CACNA2D3: variants seen among roughly 807,000 people sequenced by gnomAD.
CACNA2D3 encodes the protein voltage-dependent calcium channel subunit alpha-2/delta-3.
In CACNA2D3, 60 loss-of-function variants were observed where a neutral mutation model predicts 160.6. That is an observed-to-expected ratio of 0.37 (90% confidence interval 0.30 to 0.46). CACNA2D3 has a LOEUF of 0.46. Among genes scored for constraint, CACNA2D3 ranks in the 20% least tolerant of loss-of-function variants. CACNA2D3 has a pLI of 1.00. For missense variants in CACNA2D3, 1,205 were observed against 1,365.0 expected (o/e 0.88, Z 1.85); for synonymous variants, 558 against 492.9 (o/e 1.13, Z -1.75).
At chr3:54,769,204 C>A (rs931080346) in intron 13 of CACNA2D3, among the ~76,000 whole-genome samples, 1 of 152,132 alleles carries the variant, frequency 6.6e-6, no homozygotes, top group South Asian at 2.1e-4. Context: ...AACTTTGGAA[C>A]CACCCAGAAG....
At chr3:54,739,582 G>T (rs906728830) in intron 11 of CACNA2D3, among the ~76,000 whole-genome samples, 56 of 152,144 alleles carry the variant, frequency 3.7e-4, no homozygotes, top group African/African-American at 1.3e-3. Flanking sequence ...AGTGCACTAT[G>T]CTTAGAAAAG....
At chr3:55,069,146 C>A (rs1439495357) in intron 35 of CACNA2D3, among the ~76,000 whole-genome samples, 1 of 152,292 alleles carries the variant, frequency 6.6e-6, no homozygotes, top group Admixed American at 6.5e-5. Flanking sequence ...TATGAATTGT[C>A]TCACGAGTTT....
intron 2 of CACNA2D3, among the ~76,000 whole-genome samples, chr3:54,137,098 C>T (rs1474957442): frequency 6.6e-6 from 1 of 152,150 alleles, no homozygotes; most frequent in Non-Finnish European, 1.5e-5. Context: ...GCTGTGTTGT[C>T]CTGGGCCAGA....
At chr3:54,832,027 A>ACACACG (rs1703891825) in intron 14 of CACNA2D3, among the ~76,000 whole-genome samples, 5 of 147,836 alleles carry the variant, frequency 3.4e-5, no homozygotes, top group African/African-American at 1.3e-4. Context: ...ACACACACAC[A>ACACACG]CACACACACA....
chr3:54,679,197 G>T (rs2106911270), intron 11 of CACNA2D3, among the ~76,000 whole-genome samples: 1 of 152,266 alleles, frequency 6.6e-6, no homozygotes, highest in South Asian at 2.1e-4. Flanking sequence ...CTCCATACTG[G>T]AAGGGGACGG....
intron 2 of CACNA2D3, among the ~76,000 whole-genome samples, chr3:54,261,227 A>C (rs1419368323): frequency 1.3e-5 from 2 of 152,192 alleles, no homozygotes; most frequent in African/African-American, 4.8e-5. Context: ...TGGAATATTC[A>C]CATGGATGCT....
intron 3 of CACNA2D3, among the ~76,000 whole-genome samples, chr3:54,377,917 A>G (rs1699037504): frequency 6.6e-6 from 1 of 152,214 alleles, no homozygotes; most frequent in Non-Finnish European, 1.5e-5. Context: ...AGACTTCCTT[A>G]CCAGTACCAA....
chr3:54,824,154 T>TA (rs1291452150), intron 14 of CACNA2D3, among the ~76,000 whole-genome samples: 2 of 152,240 alleles, frequency 1.3e-5, no homozygotes, highest in Non-Finnish European at 2.9e-5. Flanking sequence ...TGGGTTGTCT[T>TA]ACGTGGGACA....
At chr3:54,778,764 G>T (rs1702472316) in intron 13 of CACNA2D3, among the ~76,000 whole-genome samples, 1 of 152,178 alleles carries the variant, frequency 6.6e-6, no homozygotes, top group Non-Finnish European at 1.5e-5. Flanking sequence ...TGGAGGGCAT[G>T]TGAAAATATC....
chr3:54,562,941 C>T lies in CACNA2D3; in HGVS notation c.676+10C>T. 6.2e-7 allele frequency: 1 copy of T among 1,611,034 alleles called. No individual in the cohort carries two copies. Among genetic ancestry groups the T allele is most frequent in the Non-Finnish European group, 8.5e-7 (1 of 1,177,780 alleles). On this transcript the variant is annotated intron_variant, in intron 6 of 37. Coordinates refer to ENST00000474759, the MANE Select transcript of CACNA2D3 (RefSeq NM_018398.3). ...TTTAGGCAGTATCCGGGTGAGTATA[C>T]CTGCATTGACAGTTATGACTCAGAT... is the stretch of plus-strand genomic sequence containing the variant.
chr3:54,181,729 A>G (rs983402461), intron 2 of CACNA2D3, among the ~76,000 whole-genome samples: 4 of 152,150 alleles, frequency 2.6e-5, no homozygotes, highest in African/African-American at 9.7e-5. Context: ...AATTCTTGCG[A>G]GCTGGCCAGG....
chr3:54,176,276 A>G (rs1700676378), intron 2 of CACNA2D3, among the ~76,000 whole-genome samples: 1 of 152,182 alleles, frequency 6.6e-6, no homozygotes, highest in African/African-American at 2.4e-5. Context: ...CTGTTTTTCC[A>G]AATGGTTTGC....
chr3:55,035,752 C>T (rs1371351118), intron 35 of CACNA2D3, among the ~76,000 whole-genome samples: 1 of 152,020 alleles, frequency 6.6e-6, no homozygotes, highest in Admixed American at 6.6e-5. Flanking sequence ...TCTTGTTTGC[C>T]GTGTTTGGAA....
intron 2 of CACNA2D3, among the ~76,000 whole-genome samples, chr3:54,318,144 C>A (rs1703909281): frequency 6.8e-6 from 1 of 148,084 alleles, no homozygotes; most frequent in Admixed American, 6.8e-5. Flanking sequence ...TTTGTGTCTG[C>A]TGTGGGCTGT....
intron 3 of CACNA2D3, chr3:54,367,602 A>C (rs572417290): frequency 1.8e-5 from 7 of 382,590 alleles, no homozygotes; most frequent in Middle Eastern, 3.5e-4. Context: ...AGAGAGAAGC[A>C]CAGCCTTACA....
chr3:54,833,601 C>CA (rs908543050), intron 14 of CACNA2D3, among the ~76,000 whole-genome samples: 1 of 151,472 alleles, frequency 6.6e-6, no homozygotes, highest in Non-Finnish European at 1.5e-5. Context: ...AAAAAAAAAA[C>CA]AAAACTTGCC....
intron 11 of CACNA2D3, among the ~76,000 whole-genome samples, chr3:54,687,129 T>TTTCTTTTTCTTTTTCTTTTTC (rs1700471242): frequency 2.0e-5 from 1 of 51,012 alleles, no homozygotes; most frequent in African/African-American, 1.1e-4. Context: ...TTCTTTTTTT[T>TTTCTTTTTCTTTTTCTTTTTC]TTTTTGTTTT....
chr3:54,879,757 A>G (rs1699748237), intron 20 of CACNA2D3, among the ~76,000 whole-genome samples: 1 of 152,082 alleles, frequency 6.6e-6, no homozygotes, highest in African/African-American at 2.4e-5. Flanking sequence ...TTCACCTTTT[A>G]TTTCCATGAC....
intron 27 of CACNA2D3, among the ~76,000 whole-genome samples, chr3:54,931,239 A>C (rs1241583443): frequency 6.6e-6 from 1 of 152,198 alleles, no homozygotes; most frequent in Non-Finnish European, 1.5e-5. Context: ...GGTTCCTGGC[A>C]ACATCTGCTT....
Sources: gnomAD v4.1 joint callset for allele counts (sites outside exome capture counted in the v4.1 genomes callset) on GRCh38, gnomAD v4.1.1 for gene constraint, MANE v1.5 for transcripts, NCBI Gene and HGNC (gene_info 2026-07-23, HGNC 2026-07-21) for gene names.